Variants in DOCK7 observed in about 807,000 individuals in gnomAD.
DOCK7 encodes the protein dedicator of cytokinesis protein 7.
Under a neutral mutation model 271.0 loss-of-function variants are expected in DOCK7, and 138 were observed. The ratio of observed to expected loss-of-function variants is 0.51; its 90% CI spans 0.44 to 0.59. DOCK7 has a LOEUF of 0.59. Among genes scored for constraint, DOCK7 ranks in the 20% least tolerant of loss-of-function variants. The pLI, the probability that DOCK7 is intolerant of heterozygous loss-of-function variation, is 0.00. For missense variants in DOCK7, 2,066 were observed against 2,592.4 expected (o/e 0.80, Z 4.41); for synonymous variants, 823 against 876.1 (o/e 0.94, Z 1.07).
rs181279254 is a variant in DOCK7 at position 62,617,838 on chromosome 1, G to C, written c.1682+868C>G. Among the ~76,000 whole-genome samples, 316 of 152,016 alleles carry C rather than the reference G, an allele frequency of 2.1e-3. 2 individuals carry two copies. The highest frequency in any genetic ancestry group is 7.3e-3 in the African/African-American group (301 of 41,506). ...GGTGACAGACTAGAATTTTTAAAAG[G>C]TGGAAGTAGTAAGAAGTACAGATCA... is the stretch of plus-strand genomic sequence containing the variant. On this transcript the variant is annotated intron_variant, in intron 14 of 49. Coordinates refer to ENST00000635253, the MANE Select transcript of DOCK7 (RefSeq NM_001367561.1).
intron 4 of DOCK7, among the ~76,000 whole-genome samples, chr1:62,651,314 G>T (rs1657330412): frequency 8.5e-6 from 1 of 117,342 alleles, no homozygotes; most frequent in African/African-American, 3.2e-5. Flanking sequence ...GGGAGGGGGA[G>T]GGGGAGGGAT....
At position 62,533,815 on chromosome 1, in the gene DOCK7, C is replaced by T. The variant is rs189754970; in HGVS notation, c.3611+1678G>A. Reference sequence around the variant, plus strand: ...TCTTTTATTCATTCAATAAATATATCAGCAGAACCTTGTAAAAACCTATTT... The same window carrying T: ...TCTTTTATTCATTCAATAAATATATTAGCAGAACCTTGTAAAAACCTATTT... On this transcript the variant is annotated intron_variant, in intron 29 of 49. Coordinates refer to ENST00000635253, the MANE Select transcript of DOCK7 (RefSeq NM_001367561.1). Among the ~76,000 whole-genome samples the T allele has an allele frequency of 1.5e-3, 235 of 152,222 alleles. 1 individual carries two copies. The highest frequency in any genetic ancestry group is 2.6e-3 in the Non-Finnish European group (180 of 67,998).
intron 1 of DOCK7, among the ~76,000 whole-genome samples, chr1:62,681,779 G>T (rs1373996271): frequency 6.6e-6 from 1 of 152,078 alleles, no homozygotes; most frequent in Non-Finnish European, 1.5e-5. Context: ...CAATGAAAAT[G>T]AATGAACTTC....
intron 14 of DOCK7, among the ~76,000 whole-genome samples, chr1:62,599,931 G>A (rs545051335): frequency 2.4e-4 from 37 of 151,964 alleles, no homozygotes; most frequent in African/African-American, 7.9e-4. Context: ...AGCTATTCAA[G>A]AGGATTCAAA....
Position 62,553,270 on chromosome 1 carries a change from C to T in DOCK7, c.2597-369G>A, listed in dbSNP as rs371720160. On this transcript the variant is annotated intron_variant, in intron 21 of 49. Transcript: ENST00000635253. ...GGCTGGTCTCAATCTCTTGACCTTG[C>T]GATCCGCCTGAAGAGGCAGGGTCTT... Among the ~76,000 whole-genome samples the T allele has an allele frequency of 7.0e-4, 96 of 136,192 alleles. 1 individual carries two copies. In the South Asian group the frequency reaches 0.02, roughly 29 times the overall value. The allele number at this position is 136,192 out of a possible 152,430, so 89.3% of individuals were successfully genotyped here. A position where few individuals can be genotyped will look rare whatever the true frequency, so the allele number is the denominator to read the frequency against.
At chr1:62,530,375 C>A (rs1168015) in intron 29 of DOCK7, among the ~76,000 whole-genome samples, 5 of 151,966 alleles carry the variant, frequency 3.3e-5, no homozygotes, top group Non-Finnish European at 7.4e-5. Context: ...TTCAATGAAC[C>A]CTGTCTTTTT....
Position 62,524,931 on chromosome 1 carries a change from CTATATATATATA to C in DOCK7, c.3936+3208_3936+3219del, listed in dbSNP as rs147371901. Among the ~76,000 whole-genome samples, 30 of 103,616 alleles carry C rather than the reference CTATATATATATA, an allele frequency of 2.9e-4. 2 individuals are homozygous for C. The highest frequency in any genetic ancestry group is 2.4e-3 in the South Asian group (7 of 2,892). 68.0% of individuals were successfully genotyped at this position (103,616 alleles called of 152,430 possible). A position where few individuals can be genotyped will look rare whatever the true frequency, so the allele number is the denominator to read the frequency against. The stretch of plus-strand genomic sequence containing the variant: ...AACAAAACAAAACCAACCAACCAAA[CTATATATATATA>C]TATATATATATATTACTATAAACTA... On this transcript the variant is annotated intron_variant, in intron 31 of 49. Coordinates refer to ENST00000635253, the MANE Select transcript of DOCK7 (RefSeq NM_001367561.1).
intron 48 of DOCK7, 118 bp from the exon 49 acceptor site, chr1:62,457,823 C>T: frequency 1.0e-6 from 1 of 954,160 alleles, no homozygotes; most frequent in Non-Finnish European, 1.6e-6. Flanking sequence ...ACAACACAGA[C>T]TATATATGTG....
In DOCK7 at chr1:62,513,264, G is replaced by GGC. The variant is rs1243522914; in HGVS notation, c.4282+179_4282+180insGC. On this transcript the variant is annotated intron_variant, in intron 33 of 49. Transcript: ENST00000635253. ...CTTTCTAGAGAAAACGGGGGGGGGG[G>GGC]GGCGGTATGCTGACTCACCTAAATC... is the stretch of plus-strand genomic sequence containing the variant. Among the ~76,000 whole-genome samples the GGC allele has an allele frequency of 3.2e-5, 3 of 93,718 alleles. 1 individual carries two copies. The highest frequency in any genetic ancestry group is 7.3e-5 in the Non-Finnish European group (3 of 41,044). The allele number at this position is 93,718 out of a possible 152,430, so 61.5% of individuals were successfully genotyped here.
At chr1:62,686,576 T>C (rs1250146940) in intron 1 of DOCK7, among the ~76,000 whole-genome samples, 3 of 152,206 alleles carry the variant, frequency 2.0e-5, no homozygotes, top group Non-Finnish European at 2.9e-5. Context: ...CATAACTCCC[T>C]GGGAGAAACT....
rs371586365 is a variant in DOCK7 at position 62,513,705 on chromosome 1, T to G, written c.4119+11A>C. 3.0e-5 allele frequency: 48 copies of G among 1,612,734 alleles called. No individual in the cohort carries two copies. Among genetic ancestry groups the G allele is most frequent in the Non-Finnish European group, 3.9e-5 (46 of 1,179,630 alleles). ...TTTCTTGTTCTTTGCAATGGTACAA[T>G]GACCACTTACTTTATACTCAAAGCA... On this transcript the variant is annotated intron_variant, in intron 32 of 49. Coordinates refer to ENST00000635253, the MANE Select transcript of DOCK7 (RefSeq NM_001367561.1).
At chr1:62,527,368 T>C (rs1008600969) in intron 31 of DOCK7, among the ~76,000 whole-genome samples, 2 of 152,130 alleles carry the variant, frequency 1.3e-5, no homozygotes, top group African/African-American at 4.8e-5. Context: ...AGAAATGAAC[T>C]ATTCCAAAGG....
chr1:62,498,862 C>T (rs1321508109), intron 37 of DOCK7, among the ~76,000 whole-genome samples: 1 of 151,538 alleles, frequency 6.6e-6, no homozygotes, highest in Non-Finnish European at 1.5e-5. Context: ...AGTGAAGTGG[C>T]GTGATCTTGG....
At chr1:62,632,792 C>T (rs1654785609) in intron 10 of DOCK7, among the ~76,000 whole-genome samples, 1 of 152,044 alleles carries the variant, frequency 6.6e-6, no homozygotes, top group African/African-American at 2.4e-5. Context: ...GCCTGACCAA[C>T]ATGGTAAAAC....
intron 36 of DOCK7, among the ~76,000 whole-genome samples, chr1:62,505,347 G>A (rs757186982): frequency 1.3e-5 from 2 of 152,074 alleles, no homozygotes; most frequent in Admixed American, 6.5e-5. Flanking sequence ...TATAAATTGA[G>A]TTTTTTATAA....
chr1:62,668,764 GTC>G (rs1557884436), intron 1 of DOCK7, among the ~76,000 whole-genome samples: 1 of 151,762 alleles, frequency 6.6e-6, no homozygotes, highest in Non-Finnish European at 1.5e-5. Context: ...AGTCAATAGT[GTC>G]TACCTGTAGT....
intron 2 of DOCK7, among the ~76,000 whole-genome samples, chr1:62,661,466 A>G (rs917588399): frequency 2.0e-5 from 3 of 152,012 alleles, no homozygotes; most frequent in Non-Finnish European, 4.4e-5. Flanking sequence ...TCTATTATAT[A>G]TACAAATATA....
At chr1:62,618,228 T>C (rs914774033) in intron 14 of DOCK7, among the ~76,000 whole-genome samples, 1 of 152,156 alleles carries the variant, frequency 6.6e-6, no homozygotes, top group Admixed American at 6.5e-5. Context: ...TAGGATATAC[T>C]CAACAAATAT....
chr1:62,675,610 G>GT (rs1485956541), intron 1 of DOCK7, among the ~76,000 whole-genome samples: 1 of 151,860 alleles, frequency 6.6e-6, no homozygotes, highest in Non-Finnish European at 1.5e-5. Context: ...GTGAAACCCC[G>GT]TCTCTACTAA....
Sources: gnomAD v4.1 joint callset for allele counts (sites outside exome capture counted in the v4.1 genomes callset) on GRCh38, gnomAD v4.1.1 for gene constraint, MANE v1.5 for transcripts, NCBI Gene and HGNC (gene_info 2026-07-23, HGNC 2026-07-21) for gene names.